RBFOX1: variants seen among roughly 807,000 people sequenced by gnomAD.
RBFOX1 encodes RNA binding protein fox-1 homolog 1.
RBFOX1 carries 8 observed loss-of-function variants against 57.7 expected under a neutral mutation model. The ratio of observed to expected loss-of-function variants is 0.14; its 90% CI spans 0.08 to 0.25. The LOEUF (loss-of-function observed/expected upper bound fraction) is 0.25. RBFOX1 is among the 10% of genes least tolerant of loss of function. RBFOX1 has a pLI of 1.00. For synonymous variants in RBFOX1, 326 were observed against 222.4 expected, an observed-to-expected ratio of 1.47 and a Z score of -4.15; for missense variants, 611 against 548.5, an observed-to-expected ratio of 1.11 and a Z score of -1.14.
chr16:7,182,190 T>C (rs1046316740), intron 4 of RBFOX1, among the ~76,000 whole-genome samples: 3 of 152,174 alleles, frequency 2.0e-5, no homozygotes, highest in African/African-American at 7.2e-5. Context: ...TCAGAGACTT[T>C]GGAGATTTTT....
intron 1 of RBFOX1, among the ~76,000 whole-genome samples, chr16:5,256,515 A>G (rs2151089486): frequency 6.6e-6 from 1 of 152,348 alleles, no homozygotes; most frequent in East Asian, 1.9e-4. Context: ...AGGCAAGATT[A>G]GATGGCAGAT....
rs1439431667 is a variant in RBFOX1 at position 5,290,823 on chromosome 16, C to T, written c.219+50718C>T. Among the ~76,000 whole-genome samples the T allele has an allele frequency of 2.2e-4, 34 of 152,046 alleles. No homozygotes were observed. The East Asian group carries it at 3.3e-3, about 15-fold the overall frequency. On this transcript the variant is annotated intron_variant, in intron 1 of 2. Transcript: ENST00000585867. ...AAGTGATTTTCCTGCCTCAGTCTCCCGAGTAGCTGGGATTACAGGCACCCA... is the reference window on the plus strand; with the variant it reads ...AAGTGATTTTCCTGCCTCAGTCTCCTGAGTAGCTGGGATTACAGGCACCCA...
chr16:6,920,815 G>T (rs993015266), intron 3 of RBFOX1, among the ~76,000 whole-genome samples: 30 of 152,176 alleles, frequency 2.0e-4, no homozygotes, highest in Admixed American at 2.0e-3. Flanking sequence ...CTGAATCCAG[G>T]ATGATTCCAT....
chr16:5,413,887 T>C (rs1023783530), intron 1 of RBFOX1, among the ~76,000 whole-genome samples: 1 of 152,146 alleles, frequency 6.6e-6, no homozygotes, highest in African/African-American at 2.4e-5. Context: ...ATGTTTGCCC[T>C]TCCCATTCCT....
intron 3 of RBFOX1, among the ~76,000 whole-genome samples, chr16:6,995,817 G>GTACT (rs1243931416): frequency 6.6e-6 from 1 of 151,984 alleles, no homozygotes; most frequent in Admixed American, 6.6e-5. Flanking sequence ...AAAGCTAGAG[G>GTACT]TACTTACACT....
At chr16:7,468,136 G>A (rs1486481500) in intron 4 of RBFOX1, among the ~76,000 whole-genome samples, 1 of 152,162 alleles carries the variant, frequency 6.6e-6, no homozygotes, top group Admixed American at 6.5e-5. Context: ...AGCTGTGTGT[G>A]AAAACCCTGG....
chr16:7,398,479 A>G (rs779746655), intron 4 of RBFOX1, among the ~76,000 whole-genome samples: 1 of 152,230 alleles, frequency 6.6e-6, no homozygotes, highest in Non-Finnish European at 1.5e-5. Flanking sequence ...TAACTTGGTG[A>G]TAGGCATCAG....
At chr16:7,701,593 G>A (rs989594723) in intron 14 of RBFOX1, among the ~76,000 whole-genome samples, 1 of 152,092 alleles carries the variant, frequency 6.6e-6, no homozygotes, top group African/African-American at 2.4e-5. Context: ...AGAAGGCCAG[G>A]GACTTCTCCT....
chr16:7,567,593 CTATATATATATCCCTTTA>C (rs2092156343), intron 5 of RBFOX1, among the ~76,000 whole-genome samples: 1 of 92,868 alleles, frequency 1.1e-5, no homozygotes, highest in East Asian at 2.3e-4. Context: ...ATATATGGCC[CTATATATATATCCCTTTA>C]TATGGCCCTA....
At chr16:6,024,582 G>A (rs1206314703) in intron 1 of RBFOX1, among the ~76,000 whole-genome samples, 2 of 152,120 alleles carry the variant, frequency 1.3e-5, no homozygotes, top group Non-Finnish European at 2.9e-5. Context: ...TCCACCTCCT[G>A]GGTACAAGTG....
chr16:6,849,013 C>A (rs1008873135), intron 3 of RBFOX1, among the ~76,000 whole-genome samples: 1 of 152,154 alleles, frequency 6.6e-6, no homozygotes, highest in Non-Finnish European at 1.5e-5. Context: ...TTTAGGTAGT[C>A]CCACCATTGG....
At chr16:7,494,939 T>C (rs996537095) in intron 4 of RBFOX1, among the ~76,000 whole-genome samples, 7 of 150,374 alleles carry the variant, frequency 4.7e-5, no homozygotes, top group African/African-American at 1.5e-4. Flanking sequence ...GTAATGAGCA[T>C]AGAAGCCAAC....
intron 2 of RBFOX1, among the ~76,000 whole-genome samples, chr16:6,592,703 T>C (rs530496762): frequency 6.6e-6 from 1 of 151,742 alleles, no homozygotes; most frequent in South Asian, 2.1e-4. Context: ...AGAAATGTCG[T>C]GTGTGTGTGT....
intron 4 of RBFOX1, among the ~76,000 whole-genome samples, chr16:7,363,650 A>C (rs991140935): frequency 6.6e-6 from 1 of 152,192 alleles, no homozygotes; most frequent in Non-Finnish European, 1.5e-5. Flanking sequence ...ACTGGGACTT[A>C]AAGCCATCAG....
In RBFOX1 at chr16:6,066,293, C is replaced by CA. The variant is rs372412356; in HGVS notation, c.-127+46328dup. On this transcript the variant is annotated intron_variant, in intron 1 of 15. Coordinates refer to ENST00000550418, the MANE Select transcript of RBFOX1 (RefSeq NM_018723.4). ...CTGACTACAGAGCAAGACTCTGTCT[C>CA]AAAAAAAAAAAAAAAAAAAAAAAAA... 1.2e-3 allele frequency among the ~76,000 whole-genome samples: 62 copies of CA among 50,386 alleles called. 7 individuals are homozygous for CA. The highest frequency in any genetic ancestry group is 4.3e-3 in the East Asian group (3 of 690). 33.1% of individuals were successfully genotyped at this position (50,386 alleles called of 152,430 possible). A position where few individuals can be genotyped will look rare whatever the true frequency, so the allele number is the denominator to read the frequency against.
intron 4 of RBFOX1, among the ~76,000 whole-genome samples, chr16:5,900,233 T>A (rs761336227): frequency 6.6e-6 from 1 of 152,168 alleles, no homozygotes; most frequent in African/African-American, 2.4e-5. Context: ...CTGTCTTGCT[T>A]TGTCATTGTG....
chr16:6,898,553 C>T (rs114475892), intron 3 of RBFOX1, among the ~76,000 whole-genome samples: 4 of 152,154 alleles, frequency 2.6e-5, no homozygotes, highest in Non-Finnish European at 4.4e-5. Flanking sequence ...AACATGGATT[C>T]TGCTGTGTTA....
rs143281426 is a variant in RBFOX1 at position 6,367,678 on chromosome 16, C to G, written c.-64+50621C>G. Among the ~76,000 whole-genome samples, 1,298 of 150,958 alleles carry G rather than the reference C, an allele frequency of 8.6e-3. 20 individuals are homozygous for G. The highest frequency in any genetic ancestry group is 0.028 in the African/African-American group (1,153 of 40,928). On this transcript the variant is annotated intron_variant, in intron 2 of 15. Coordinates refer to ENST00000550418, the MANE Select transcript of RBFOX1 (RefSeq NM_018723.4). ...AGAGGGAGCTGGGGTGTTTTGCTTTCATAGGATGGGAGCCAATGCCTACAT... is the reference window on the plus strand; with the variant it reads ...AGAGGGAGCTGGGGTGTTTTGCTTTGATAGGATGGGAGCCAATGCCTACAT...
intron 4 of RBFOX1, among the ~76,000 whole-genome samples, chr16:5,916,982 T>G (rs1236449818): frequency 6.6e-6 from 1 of 152,098 alleles, no homozygotes; most frequent in African/African-American, 2.4e-5. Flanking sequence ...TGTTATGACC[T>G]GCATCCCATG....
Sources: allele counts gnomAD v4.1 joint callset (sites outside exome capture counted in the v4.1 genomes callset), GRCh38; gene constraint gnomAD v4.1.1; transcripts MANE v1.5; gene names NCBI Gene and HGNC (gene_info 2026-07-23, HGNC 2026-07-21).